The following PLXNC1 variants were observed in gnomAD, a reference collection of about 807,000 sequenced individuals.
The protein encoded by PLXNC1 is plexin-C1.
Under a neutral mutation model 178.2 loss-of-function variants are expected in PLXNC1, and 75 were observed. The observed-to-expected ratio is 0.42, with a 90% CI of 0.35 to 0.51. The LOEUF is 0.51. Among genes scored for constraint, PLXNC1 ranks in the 20% least tolerant of loss-of-function variants. The probability of loss-of-function intolerance (pLI) is 0.02; values close to 1 mark genes in which losing one functional copy is unlikely to be tolerated. For synonymous variants in PLXNC1, 790 were observed against 779.9 expected (o/e 1.01, Z -0.22); for missense variants, 1,503 against 1,984.4 (o/e 0.76, Z 4.61).
At chr12:94,273,915 A>T (rs1424045926) in intron 21 of PLXNC1, among the ~76,000 whole-genome samples, 1 of 152,046 alleles carries the variant, frequency 6.6e-6, no homozygotes, top group East Asian at 1.9e-4. Context: ...CGGTCCCTAC[A>T]TTCCGTGGTG....
At chr12:94,280,241 GC>G (rs1966336392) in intron 22 of PLXNC1, 1 of 162,836 alleles carries the variant, frequency 6.1e-6, no homozygotes, top group Admixed American at 5.9e-5. Flanking sequence ...AGCTAACAGG[GC>G]CCCACTTCCC....
chr12:94,216,660 A>G (rs1963654497), intron 5 of PLXNC1, among the ~76,000 whole-genome samples: 1 of 152,230 alleles, frequency 6.6e-6, no homozygotes. Context: ...GAAAGAAGAA[A>G]ATCCCTAGGC....
At chr12:94,191,765 A>G (rs547202452) in intron 4 of PLXNC1, among the ~76,000 whole-genome samples, 130 of 102,750 alleles carry the variant, frequency 1.3e-3, no homozygotes, top group African/African-American at 3.7e-3. Flanking sequence ...GTGAAACTCC[A>G]TCTCAAAAAA....
intron 17 of PLXNC1, among the ~76,000 whole-genome samples, chr12:94,258,074 C>G (rs1199254216): frequency 6.6e-6 from 1 of 151,768 alleles, no homozygotes; most frequent in Non-Finnish European, 1.5e-5. Context: ...TTGCCGTGAG[C>G]CGAGATCGCG....
rs528979841 is a variant in PLXNC1 at position 94,283,091 on chromosome 12, A to G, written c.3879+690A>G. 4.6e-5 allele frequency among the ~76,000 whole-genome samples: 7 copies of G among 152,302 alleles called. No homozygotes were observed. In the South Asian group the frequency reaches 6.2e-4, roughly 14 times the overall value. On this transcript the variant is annotated intron_variant, in intron 23 of 30. Coordinates refer to ENST00000258526, the MANE Select transcript of PLXNC1 (RefSeq NM_005761.3). ...CCACTCTGATAAGAGCTGGGGCTGCATGGGAGAGGAGCAAAGACCAGGTCC... is the reference window on the plus strand; with the variant it reads ...CCACTCTGATAAGAGCTGGGGCTGCGTGGGAGAGGAGCAAAGACCAGGTCC...
At chr12:94,254,610 T>G (rs1267548471) in intron 15 of PLXNC1, 177 bp from the exon 16 acceptor site, 1 of 703,994 alleles carries the variant, frequency 1.4e-6, no homozygotes, top group Non-Finnish European at 2.6e-6. Flanking sequence ...ACTGGGAAAT[T>G]TTCTTATAAG....
intron 2 of PLXNC1, among the ~76,000 whole-genome samples, chr12:94,172,136 C>G (rs542678174): frequency 9.2e-5 from 14 of 152,348 alleles, no homozygotes; most frequent in Middle Eastern, 3.4e-3. Flanking sequence ...CTGATAGACA[C>G]AAGCTTGGCT....
At chr12:94,186,142 A>G in intron 3 of PLXNC1, 1 of 430,088 alleles carries the variant, frequency 2.3e-6, no homozygotes, top group South Asian at 3.0e-5. Context: ...AGACTTAGCG[A>G]GAGTCTCTGC....
chr12:94,219,801 A>ATTTT (rs1555200385), intron 5 of PLXNC1, among the ~76,000 whole-genome samples: 3 of 88,312 alleles, frequency 3.4e-5, no homozygotes, highest in Non-Finnish European at 5.0e-5. Flanking sequence ...ATTCTTTTAT[A>ATTTT]TTTTTATTTA....
chr12:94,224,742 C>T (rs1046426401), intron 7 of PLXNC1, among the ~76,000 whole-genome samples: 2 of 151,796 alleles, frequency 1.3e-5, no homozygotes, highest in Admixed American at 6.6e-5. Context: ...GCCATCGCTA[C>T]AAAAAAACAC....
At chr12:94,192,952 A>C (rs1406192452) in intron 4 of PLXNC1, among the ~76,000 whole-genome samples, 1 of 152,164 alleles carries the variant, frequency 6.6e-6, no homozygotes. Context: ...GCATGGGGGA[A>C]GTTTAGGGTT....
At chr12:94,257,640 G>C (rs1964882352) in intron 17 of PLXNC1, among the ~76,000 whole-genome samples, 1 of 152,194 alleles carries the variant, frequency 6.6e-6, no homozygotes, top group Non-Finnish European at 1.5e-5. Flanking sequence ...AGGCATGGTG[G>C]CGTGCACCTG....
chr12:94,248,518 C>G, intron 14 of PLXNC1, 106 bp downstream of exon 14: 2 of 885,196 alleles, frequency 2.3e-6, no homozygotes, highest in Non-Finnish European at 3.5e-6. Flanking sequence ...TTCAGATCCT[C>G]ACTTTAAATA....
At position 94,227,405 on chromosome 12, in the gene PLXNC1, A is replaced by G. The variant is rs1963975327; in HGVS notation, c.1980+170A>G. On this transcript the variant is annotated intron_variant, in intron 9 of 30. Transcript: ENST00000258526. ...AAGTTTCACTTAATTAGCGCAATAC[A>G]TCAATGGCTGGACACTCACATAAAA... is the stretch of plus-strand genomic sequence containing the variant. 5.7e-6 allele frequency: 3 copies of G among 529,704 alleles called. No individual in the cohort carries two copies. The Admixed American group carries it at 1.0e-4, about 18-fold the overall frequency. The allele number at this position is 529,704 out of a possible 1,614,324, so 32.8% of individuals were successfully genotyped here. A position where few individuals can be genotyped will look rare whatever the true frequency, so the allele number is the denominator to read the frequency against.
intron 5 of PLXNC1, among the ~76,000 whole-genome samples, chr12:94,215,081 A>G (rs1164915782): frequency 6.6e-6 from 1 of 152,126 alleles, no homozygotes; most frequent in Non-Finnish European, 1.5e-5. Context: ...TATTTTAAGT[A>G]GAGACGGAGT....
At chr12:94,265,006 A>G in intron 20 of PLXNC1, 73 bp from the exon 21 acceptor site, 1 of 1,489,786 alleles carries the variant, frequency 6.7e-7, no homozygotes, top group Non-Finnish European at 9.2e-7. Flanking sequence ...TGCTGTAAAC[A>G]GAAACTTTAA....
chr12:94,266,262 A>C (rs1965235664), intron 21 of PLXNC1, among the ~76,000 whole-genome samples: 1 of 152,188 alleles, frequency 6.6e-6, no homozygotes. Context: ...AGCTGTTTCA[A>C]GTTTTCTGCC....
intron 27 of PLXNC1, among the ~76,000 whole-genome samples, chr12:94,299,117 A>G (rs936971333): frequency 3.3e-5 from 5 of 152,200 alleles, no homozygotes; most frequent in African/African-American, 1.2e-4. Flanking sequence ...TCATTTTTGC[A>G]TTAGAGAAAA....
intron 3 of PLXNC1, among the ~76,000 whole-genome samples, chr12:94,183,951 G>T (rs1005090229): frequency 2.0e-5 from 3 of 152,176 alleles, no homozygotes; most frequent in Non-Finnish European, 4.4e-5. Context: ...CTCTTGGGGA[G>T]ATAAGAACAG....
Sources: gnomAD v4.1 joint callset for allele counts (sites outside exome capture counted in the v4.1 genomes callset) on GRCh38, gnomAD v4.1.1 for gene constraint, MANE v1.5 for transcripts, NCBI Gene and HGNC (gene_info 2026-07-23, HGNC 2026-07-21) for gene names.